The following CNBD1 variants were observed in gnomAD, a reference collection of about 807,000 sequenced individuals.
CNBD1 encodes the protein cyclic nucleotide binding domain containing 1.
CNBD1 carries 71 observed loss-of-function variants against 54.4 expected under a neutral mutation model. That is an observed-to-expected ratio of 1.30 (90% CI 1.08 to 1.59). CNBD1 has a LOEUF of 1.59. Among genes scored for constraint, CNBD1 ranks in the 40% most tolerant of loss-of-function variants. The pLI is 0.00. For missense variants in CNBD1, 659 were observed against 518.0 expected (o/e 1.27, Z -2.64); for synonymous variants, 182 against 170.7 (o/e 1.07, Z -0.51).
chr8:87,015,797 A>G (rs1018012365), intron 4 of CNBD1, among the ~76,000 whole-genome samples: 1 of 152,108 alleles, frequency 6.6e-6, no homozygotes, highest in Admixed American at 6.6e-5. Flanking sequence ...ACTAACCAAC[A>G]TGGTGAAACC....
At chr8:87,338,591 A>T (rs1810001459) in intron 8 of CNBD1, among the ~76,000 whole-genome samples, 1 of 146,242 alleles carries the variant, frequency 6.8e-6, no homozygotes, top group Admixed American at 6.8e-5. Flanking sequence ...CGTATTTTTT[A>T]TTCTCTGCTT....
At chr8:86,947,394 G>T (rs1807493175) in intron 4 of CNBD1, among the ~76,000 whole-genome samples, 1 of 152,030 alleles carries the variant, frequency 6.6e-6, no homozygotes, top group East Asian at 1.9e-4. Context: ...ATAAAATTTG[G>T]TTTCCAAATG....
intron 2 of CNBD1, among the ~76,000 whole-genome samples, chr8:86,896,793 A>G (rs944429377): frequency 3.9e-5 from 6 of 152,194 alleles, no homozygotes; most frequent in African/African-American, 1.4e-4. Context: ...TGGGAAAAGT[A>G]GTTGTAGAAA....
At chr8:87,183,995 C>T (rs1353837100) in intron 4 of CNBD1, among the ~76,000 whole-genome samples, 1 of 152,172 alleles carries the variant, frequency 6.6e-6, no homozygotes, top group Non-Finnish European at 1.5e-5. Flanking sequence ...GCAGGGAGTG[C>T]CATACACGTG....
In CNBD1 at chr8:86,939,619, A is replaced by G. The variant is rs768609342; in HGVS notation, c.296A>G (p.Glu99Gly). 2.3e-5 allele frequency: 36 copies of G among 1,594,622 alleles called. No individual in the cohort carries two copies. The highest frequency in any genetic ancestry group is 2.9e-5 in the Non-Finnish European group (34 of 1,173,118). Reference protein sequence around the residue: ...EQRELNEGKEESQHQQPDDSN... With the variant: ...EQRELNEGKEGSQHQQPDDSN... ...AGGGAACTCAATGAAGGCAAAGAGG[A>G]AAGTCAACATCAACAACCTGATGAT... is the stretch of plus-strand genomic sequence containing the variant. Residue 99 changes from glutamate (E) to glycine (G), a missense_variant, in exon 4 of 11, where the codon GAA (glutamate) becomes GGA (glycine). Physicochemically the swap from Glu to Gly is moderately conservative, Grantham distance 98. Coordinates refer to ENST00000518476, the MANE Select transcript of CNBD1 (RefSeq NM_173538.3).
chr8:86,974,776 G>A (rs1190875678), intron 4 of CNBD1, among the ~76,000 whole-genome samples: 2 of 151,826 alleles, frequency 1.3e-5, no homozygotes, highest in African/African-American at 4.8e-5. Context: ...CAAATTTCTT[G>A]GAAATGTTCT....
chr8:86,874,800 T>A (rs1269766230), intron 1 of CNBD1, among the ~76,000 whole-genome samples: 1 of 151,638 alleles, frequency 6.6e-6, no homozygotes, highest in African/African-American at 2.4e-5. Context: ...CAAGCTCTTT[T>A]CATACTTTCT....
chr8:87,360,520 C>T (rs930879171), intron 10 of CNBD1, among the ~76,000 whole-genome samples: 1 of 151,720 alleles, frequency 6.6e-6, no homozygotes, highest in African/African-American at 2.4e-5. Context: ...GTCAATATAT[C>T]TTTGTCCAGA....
chr8:87,070,065 A>G (rs1465749694), intron 4 of CNBD1, among the ~76,000 whole-genome samples: 1 of 152,206 alleles, frequency 6.6e-6, no homozygotes, highest in Admixed American at 6.5e-5. Flanking sequence ...AGATAGCTGG[A>G]TACTCAAAGG....
intron 2 of CNBD1, among the ~76,000 whole-genome samples, chr8:86,897,294 A>G (rs1303015734): frequency 6.6e-6 from 1 of 152,350 alleles, no homozygotes; most frequent in South Asian, 2.1e-4. Context: ...AATATTTGAA[A>G]CATATGGGTG....
At chr8:87,343,157 C>T (rs944177396) in intron 8 of CNBD1, among the ~76,000 whole-genome samples, 5 of 152,178 alleles carry the variant, frequency 3.3e-5, no homozygotes, top group Non-Finnish European at 4.4e-5. Context: ...TGCCCAACCA[C>T]GCAGGCAGTC....
intron 6 of CNBD1, among the ~76,000 whole-genome samples, chr8:87,254,833 GT>G (rs2130842561): frequency 6.6e-6 from 1 of 152,210 alleles, no homozygotes; most frequent in East Asian, 1.9e-4. Context: ...CTTTTACTCT[GT>G]TTTGAGGCTA....
intron 8 of CNBD1, among the ~76,000 whole-genome samples, chr8:87,297,692 G>A (rs1197125836): frequency 2.1e-5 from 3 of 140,008 alleles, no homozygotes; most frequent in Non-Finnish European, 4.9e-5. Flanking sequence ...ATGCATTTGT[G>A]AGAATGTGGG....
intron 4 of CNBD1, among the ~76,000 whole-genome samples, chr8:87,088,171 CAA>C (rs1299944966): frequency 6.6e-6 from 1 of 152,092 alleles, no homozygotes; most frequent in Non-Finnish European, 1.5e-5. Context: ...CCCTTTGTTT[CAA>C]AGACATTTTT....
chr8:87,142,271 A>G (rs1231413281), intron 4 of CNBD1, among the ~76,000 whole-genome samples: 2 of 152,152 alleles, frequency 1.3e-5, no homozygotes, highest in African/African-American at 4.8e-5. Flanking sequence ...TGTGAAGAAA[A>G]GTGAGGTTGG....
chr8:87,082,552 TAATGTTTG>T (rs1811018199), intron 4 of CNBD1, among the ~76,000 whole-genome samples: 1 of 152,242 alleles, frequency 6.6e-6, no homozygotes, highest in Non-Finnish European at 1.5e-5. Flanking sequence ...TGCTTTTTAT[TAATGTTTG>T]AATGGTATAG....
In CNBD1 at chr8:87,228,733, G is replaced by A. The variant is rs553157976; in HGVS notation, c.578-8186G>A. Among the ~76,000 whole-genome samples the A allele has an allele frequency of 2.6e-4, 40 of 152,068 alleles. No homozygotes were observed. The East Asian group carries it at 4.1e-3, about 15-fold the overall frequency. Reference sequence around the variant, plus strand: ...TGCCCCCAGAGGTGGAGCCTACAGAGGCAGGCAGGCCTCCTTGAGCTGTGG... The same window carrying A: ...TGCCCCCAGAGGTGGAGCCTACAGAAGCAGGCAGGCCTCCTTGAGCTGTGG... On this transcript the variant is annotated intron_variant, in intron 5 of 10. Transcript: ENST00000518476.
chr8:87,217,462 TTG>T (rs1279449464), intron 5 of CNBD1, among the ~76,000 whole-genome samples: 2 of 152,008 alleles, frequency 1.3e-5, no homozygotes, highest in Non-Finnish European at 2.9e-5. Context: ...CAGAAAAATA[TTG>T]TGAGTCATTA....
At chr8:87,332,359 A>G (rs960651370) in intron 8 of CNBD1, among the ~76,000 whole-genome samples, 3 of 152,116 alleles carry the variant, frequency 2.0e-5, no homozygotes, top group Admixed American at 6.5e-5. Flanking sequence ...AGAAAAAAAA[A>G]AAAAAAAGAA....
Sources: allele counts gnomAD v4.1 joint callset (sites outside exome capture counted in the v4.1 genomes callset), GRCh38; gene constraint gnomAD v4.1.1; transcripts MANE v1.5; gene names NCBI Gene and HGNC (gene_info 2026-07-23, HGNC 2026-07-21).